Variants in SLC8A1 observed in about 807,000 individuals in gnomAD.
SLC8A1 encodes sodium/calcium exchanger 1.
SLC8A1 carries 18 observed loss-of-function variants against 68.3 expected under a neutral mutation model. The observed-to-expected ratio is 0.26, with a 90% CI of 0.18 to 0.39. SLC8A1 has a LOEUF of 0.39. SLC8A1 is among the 10% of genes least tolerant of loss of function. The pLI, the probability that SLC8A1 is intolerant of heterozygous loss-of-function variation, is 1.00. For missense variants in SLC8A1, 985 were observed against 1,156.7 expected (o/e 0.85, Z 2.15); for synonymous variants, 475 against 415.5 (o/e 1.14, Z -1.74).
At chr2:40,101,381 C>T (rs533957904) in exon 8 of SLC8A1, 1 of 152,214 alleles carries the variant, frequency 6.6e-6, no homozygotes, top group African/African-American at 2.4e-5. Flanking sequence ...TAATTTAGTA[C>T]TGTTACACAG....
chr2:40,306,892 T>G (rs1314462530), intron 2 of SLC8A1, among the ~76,000 whole-genome samples: 1 of 152,148 alleles, frequency 6.6e-6, no homozygotes, highest in Non-Finnish European at 1.5e-5. Context: ...AGAGAATAAA[T>G]CTCTGATTTT....
chr2:40,507,264 A>G (rs182196819), intron 1 of SLC8A1, among the ~76,000 whole-genome samples: 19 of 152,094 alleles, frequency 1.2e-4, no homozygotes, highest in Non-Finnish European at 2.1e-4. Context: ...AGGGTGTTAA[A>G]CATTTCAACA....
intron 4 of SLC8A1, among the ~76,000 whole-genome samples, chr2:40,168,606 G>T (rs2046945114): frequency 6.6e-6 from 1 of 152,170 alleles, no homozygotes; most frequent in South Asian, 2.1e-4. Flanking sequence ...TCTGTCTTTA[G>T]ATACTTTCTG....
At chr2:40,332,392 A>C (rs2076503706) in intron 2 of SLC8A1, among the ~76,000 whole-genome samples, 1 of 138,002 alleles carries the variant, frequency 7.2e-6, no homozygotes, top group Admixed American at 7.8e-5. Flanking sequence ...CAAACAGTCA[A>C]ATGATATCCT....
At chr2:40,174,682 G>T (rs944950097) in intron 4 of SLC8A1, 24 bp downstream of exon 6, 7 of 1,484,172 alleles carry the variant, frequency 4.7e-6, no homozygotes, top group Admixed American at 3.7e-5. Context: ...GAAAAATAAG[G>T]AACATTAAAA....
intron 2 of SLC8A1, among the ~76,000 whole-genome samples, chr2:40,198,730 A>G (rs2053566620): frequency 6.6e-6 from 1 of 151,882 alleles, no homozygotes; most frequent in African/African-American, 2.4e-5. Context: ...CTGGCATGAT[A>G]CTGGGTAGGT....
intron 2 of SLC8A1, among the ~76,000 whole-genome samples, chr2:40,236,668 G>A (rs1187839860): frequency 1.4e-4 from 21 of 152,090 alleles, no homozygotes; most frequent in Admixed American, 2.6e-4. Flanking sequence ...TATTTTGCTC[G>A]TTAGTTGATG....
intron 2 of SLC8A1, among the ~76,000 whole-genome samples, chr2:40,389,808 T>TATATATATGATATATG (rs1177561015): frequency 4.7e-5 from 7 of 150,102 alleles, no homozygotes; most frequent in Non-Finnish European, 1.0e-4. Context: ...TTTGGGGAAA[T>TATATATATGATATATG]ATATATATGA....
chr2:40,321,610 C>T (rs987393257), intron 2 of SLC8A1, among the ~76,000 whole-genome samples: 3 of 152,042 alleles, frequency 2.0e-5, no homozygotes, highest in African/African-American at 7.2e-5. Context: ...GAAAGGGACG[C>T]AAATACATCC....
At chr2:40,353,996 G>C (rs1260706971) in intron 2 of SLC8A1, among the ~76,000 whole-genome samples, 2 of 152,212 alleles carry the variant, frequency 1.3e-5, no homozygotes, top group African/African-American at 2.4e-5. Flanking sequence ...CACAATGCCA[G>C]GTTGAACATT....
intron 2 of SLC8A1, among the ~76,000 whole-genome samples, chr2:40,298,062 A>G (rs2070753317): frequency 6.6e-6 from 1 of 151,988 alleles, no homozygotes; most frequent in Non-Finnish European, 1.5e-5. Context: ...TTGTGATTTT[A>G]GTAGAGACAG....
chr2:40,387,200 G>T (rs888281693), intron 2 of SLC8A1, among the ~76,000 whole-genome samples: 8 of 151,298 alleles, frequency 5.3e-5, no homozygotes, highest in Non-Finnish European at 1.0e-4. Context: ...TGTAGTAATG[G>T]TATTTCCAGG....
At chr2:40,443,229 A>T (rs1397915187) in intron 1 of SLC8A1, among the ~76,000 whole-genome samples, 3 of 152,156 alleles carry the variant, frequency 2.0e-5, no homozygotes, top group Admixed American at 6.6e-5. Context: ...TATGTAACAA[A>T]CCTGAACACT....
At chr2:40,291,272 G>C (rs929285773) in intron 2 of SLC8A1, among the ~76,000 whole-genome samples, 1 of 152,092 alleles carries the variant, frequency 6.6e-6, no homozygotes, top group Non-Finnish European at 1.5e-5. Context: ...GAGAAGGCTT[G>C]TCCAAAGTGT....
chr2:40,470,674 A>G (rs559010296), intron 1 of SLC8A1, among the ~76,000 whole-genome samples: 14 of 151,976 alleles, frequency 9.2e-5, no homozygotes, highest in East Asian at 1.9e-4. Context: ...AGAAAAAAAT[A>G]AAAGACTATC....
chr2:40,376,354 G>C (rs1458099011), intron 2 of SLC8A1, among the ~76,000 whole-genome samples: 1 of 152,070 alleles, frequency 6.6e-6, no homozygotes, highest in Non-Finnish European at 1.5e-5. Flanking sequence ...ATAGACAGTA[G>C]CTATGGTTTG....
At chr2:40,210,124 A>C (rs2056314749) in intron 2 of SLC8A1, 1 of 152,136 alleles carries the variant, frequency 6.6e-6, no homozygotes, top group Non-Finnish European at 1.5e-5. Context: ...ATCTTTGGGG[A>C]GGGTTTAAAT....
chr2:40,214,019 A>G (rs1165981284), intron 2 of SLC8A1, among the ~76,000 whole-genome samples: 2 of 152,164 alleles, frequency 1.3e-5, no homozygotes, highest in African/African-American at 4.8e-5. Flanking sequence ...AGAAAACCTA[A>G]GTGTGTAGCC....
At chr2:40,191,554 T>C (rs2051845226) in intron 2 of SLC8A1, among the ~76,000 whole-genome samples, 1 of 152,194 alleles carries the variant, frequency 6.6e-6, no homozygotes, top group African/African-American at 2.4e-5. Flanking sequence ...GTTTCTTGTT[T>C]ATGATGGAAG....
Sources: allele counts gnomAD v4.1 joint callset (sites outside exome capture counted in the v4.1 genomes callset), GRCh38; gene constraint gnomAD v4.1.1; transcripts MANE v1.5; gene names NCBI Gene and HGNC (gene_info 2026-07-23, HGNC 2026-07-21).